Variants in RAPGEF5 observed in about 807,000 individuals in gnomAD.
The protein encoded by RAPGEF5 is M-Ras-regulated GEF.
In RAPGEF5, 65 loss-of-function variants were observed where a neutral mutation model predicts 125.2. That is an observed-to-expected ratio of 0.52 (90% CI 0.43 to 0.64). The LOEUF (loss-of-function observed/expected upper bound fraction) is 0.64. Among genes scored for constraint, RAPGEF5 ranks in the 30% least tolerant of loss-of-function variants. The probability of loss-of-function intolerance (pLI) is 0.00; values close to 1 mark genes in which losing one functional copy is unlikely to be tolerated. For missense variants in RAPGEF5, 958 were observed against 1,048.1 expected (o/e 0.91, Z 1.19); for synonymous variants, 391 against 385.9 (o/e 1.01, Z -0.16).
At position 22,145,465 on chromosome 7, in the gene RAPGEF5, T is replaced by C. The variant is rs1304861137; in HGVS notation, c.2008-243A>G. 2.0e-5 allele frequency among the ~76,000 whole-genome samples: 3 copies of C among 152,242 alleles called. No homozygotes were observed. The East Asian group carries it at 5.8e-4, about 29-fold the overall frequency. ...TTTCAGAATGTAAGGAAGACATCTT[T>C]ATATACAAATCTAAGATATCCTGAA... is the stretch of plus-strand genomic sequence containing the variant. On this transcript the variant is annotated intron_variant, in intron 19 of 25. Coordinates refer to ENST00000665637, the MANE Select transcript of RAPGEF5 (RefSeq NM_012294.5).
intron 24 of RAPGEF5, among the ~76,000 whole-genome samples, chr7:22,127,845 C>G (rs1782796667): frequency 6.6e-6 from 1 of 152,126 alleles, no homozygotes; most frequent in Non-Finnish European, 1.5e-5. Flanking sequence ...GGAATATGAC[C>G]TACTGATTGA....
chr7:22,195,726 C>A (rs1785133449), intron 9 of RAPGEF5, among the ~76,000 whole-genome samples: 1 of 151,878 alleles, frequency 6.6e-6, no homozygotes, highest in African/African-American at 2.4e-5. Context: ...CCAAAAAAAC[C>A]CCCCAAAAAA....
intron 11 of RAPGEF5, among the ~76,000 whole-genome samples, chr7:22,175,489 T>A (rs973606309): frequency 6.6e-6 from 1 of 152,248 alleles, no homozygotes; most frequent in African/African-American, 2.4e-5. Context: ...AATACAATTA[T>A]CATTTTATTT....
intron 9 of RAPGEF5, among the ~76,000 whole-genome samples, chr7:22,200,852 G>C (rs1472492816): frequency 6.6e-6 from 1 of 152,124 alleles, no homozygotes; most frequent in East Asian, 1.9e-4. Context: ...TGCACAATAG[G>C]GCAGAAAAGA....
intron 1 of RAPGEF5, among the ~76,000 whole-genome samples, chr7:22,337,219 G>T (rs1401090161): frequency 1.3e-5 from 2 of 152,200 alleles, no homozygotes; most frequent in African/African-American, 4.8e-5. Context: ...CTGCTGGTTT[G>T]GTTGGGGATG....
intron 8 of RAPGEF5, among the ~76,000 whole-genome samples, chr7:22,220,615 T>C (rs923623098): frequency 3.3e-5 from 5 of 152,052 alleles, no homozygotes; most frequent in Non-Finnish European, 2.9e-5. Flanking sequence ...ATTTCATTCA[T>C]TGGGGTTTGG....
chr7:22,250,192 C>A (rs779956477), intron 7 of RAPGEF5, among the ~76,000 whole-genome samples: 6 of 152,140 alleles, frequency 3.9e-5, no homozygotes, highest in Non-Finnish European at 4.4e-5. Context: ...TATCACTAAT[C>A]TTATCCCCAA....
chr7:22,264,586 A>ACTTGCCTCCTTGCAGT (rs1782237772), intron 7 of RAPGEF5, among the ~76,000 whole-genome samples: 1 of 152,142 alleles, frequency 6.6e-6, no homozygotes. Context: ...AGCCTCATTC[A>ACTTGCCTCCTTGCAGT]CTTGCCTCCT....
intron 12 of RAPGEF5, among the ~76,000 whole-genome samples, chr7:22,166,464 G>A (rs1784169277): frequency 6.6e-6 from 1 of 152,172 alleles, no homozygotes; most frequent in Non-Finnish European, 1.5e-5. Flanking sequence ...ATCCTATGTT[G>A]CATCTCTTCT....
chr7:22,156,540 T>C (rs1226454126), intron 16 of RAPGEF5, among the ~76,000 whole-genome samples: 2 of 152,204 alleles, frequency 1.3e-5, no homozygotes, highest in Non-Finnish European at 2.9e-5. Context: ...TTTTACCTCT[T>C]CTCAAGAATG....
intron 6 of RAPGEF5, among the ~76,000 whole-genome samples, chr7:22,271,423 C>A (rs939040735): frequency 1.2e-4 from 18 of 152,176 alleles, no homozygotes; most frequent in African/African-American, 3.1e-4. Flanking sequence ...TGTAAAGGAA[C>A]GTGGCCTTCA....
Position 22,220,002 on chromosome 7 carries a change from G to T in RAPGEF5, c.871-11C>A. ...GCACATCACCCCTGCCTTAAGAGTT[G>T]GAGAAAAAGCGAAGATATACTTAAA... On this transcript the variant is annotated splice_polypyrimidine_tract_variant and intron_variant, in intron 8 of 25. Coordinates refer to ENST00000665637, the MANE Select transcript of RAPGEF5 (RefSeq NM_012294.5). The T allele has an allele frequency of 6.2e-7, 1 of 1,612,862 alleles. No individual in the cohort carries two copies.
rs1209446424 is a variant in RAPGEF5, at chr7:22,268,606, C to T, written c.748-1594G>A. Among the ~76,000 whole-genome samples, 3 of 152,246 alleles carry T rather than the reference C, an allele frequency of 2.0e-5. No homozygotes were observed. The East Asian group carries it at 5.8e-4, about 29-fold the overall frequency. On this transcript the variant is annotated intron_variant, in intron 6 of 25. Transcript: ENST00000665637. Reference sequence around the variant, plus strand: ...GCAGATTATAAACATTCACAAGGGTCTTGTCAATGGTTTCTAGATTCTATG... The same window carrying T: ...GCAGATTATAAACATTCACAAGGGTTTTGTCAATGGTTTCTAGATTCTATG...
chr7:22,230,619 T>G (rs944088025), intron 8 of RAPGEF5, among the ~76,000 whole-genome samples: 9 of 152,226 alleles, frequency 5.9e-5, no homozygotes, highest in Non-Finnish European at 1.3e-4. Flanking sequence ...GGAAGTAAAG[T>G]GTGTCTATCT....
intron 1 of RAPGEF5, among the ~76,000 whole-genome samples, chr7:22,348,022 A>G (rs578152849): frequency 1.3e-5 from 2 of 152,300 alleles, no homozygotes; most frequent in African/African-American, 4.8e-5. Flanking sequence ...TTTTTAGAGG[A>G]AAAGGAGAGA....
intron 7 of RAPGEF5, among the ~76,000 whole-genome samples, chr7:22,243,161 C>A (rs185211998): frequency 6.6e-6 from 1 of 152,090 alleles, no homozygotes. Flanking sequence ...AATGTAAGTA[C>A]TTACGGCTCA....
chr7:22,228,612 A>T (rs1785977753), intron 8 of RAPGEF5, among the ~76,000 whole-genome samples: 1 of 151,362 alleles, frequency 6.6e-6, no homozygotes, highest in Non-Finnish European at 1.5e-5. Context: ...GGTTCAAATG[A>T]TTCTCCTGCT....
intron 1 of RAPGEF5, among the ~76,000 whole-genome samples, chr7:22,320,529 G>T (rs1200318920): frequency 2.0e-5 from 3 of 152,042 alleles, no homozygotes; most frequent in Non-Finnish European, 4.4e-5. Flanking sequence ...TGCCCTCCCA[G>T]CATTTATCAG....
intron 9 of RAPGEF5, among the ~76,000 whole-genome samples, chr7:22,199,063 C>G (rs1303131853): frequency 6.6e-6 from 1 of 152,168 alleles, no homozygotes; most frequent in Non-Finnish European, 1.5e-5. Context: ...GTTGGTCAGG[C>G]AACAGGGAGG....
Sources: gnomAD v4.1 joint callset for allele counts (sites outside exome capture counted in the v4.1 genomes callset) on GRCh38, gnomAD v4.1.1 for gene constraint, MANE v1.5 for transcripts, NCBI Gene and HGNC (gene_info 2026-07-23, HGNC 2026-07-21) for gene names.